The following MEI4 variants were observed in gnomAD, a reference collection of about 807,000 sequenced individuals.
MEI4 encodes the protein meiosis-specific protein MEI4.
In MEI4, 27 loss-of-function variants were observed where a neutral mutation model predicts 31.4. That is an observed-to-expected ratio of 0.86 (90% confidence interval 0.63 to 1.19). The LOEUF is 1.19. Ranked by LOEUF, MEI4 falls within the 50% of genes most tolerant of loss-of-function variation. The pLI, the probability that MEI4 is intolerant of heterozygous loss-of-function variation, is 0.00. For synonymous variants in MEI4, 122 were observed against 145.4 expected (o/e 0.84, Z 1.16); for missense variants, 329 against 398.9 (o/e 0.82, Z 1.49).
intron 3 of MEI4, among the ~76,000 whole-genome samples, chr6:77,788,619 A>T (rs1768818298): frequency 6.6e-6 from 1 of 152,156 alleles, no homozygotes; most frequent in South Asian, 2.1e-4. Flanking sequence ...ACAGACAAAC[A>T]GAGAGCCGAA....
At chr6:77,917,267 G>A (rs992109625) in intron 4 of MEI4, among the ~76,000 whole-genome samples, 12 of 150,778 alleles carry the variant, frequency 8.0e-5, no homozygotes, top group Non-Finnish European at 1.3e-4. Flanking sequence ...ATGATTTATA[G>A]TCCTTTGGGT....
chr6:77,884,475 C>G (rs1013604714), intron 4 of MEI4, among the ~76,000 whole-genome samples: 1 of 152,114 alleles, frequency 6.6e-6, no homozygotes, highest in Non-Finnish European at 1.5e-5. Context: ...TCTAGTAGTT[C>G]TGTAATTTGG....
chr6:77,774,666 A>AT (rs1355859941), intron 3 of MEI4, among the ~76,000 whole-genome samples: 1 of 152,022 alleles, frequency 6.6e-6, no homozygotes, highest in Admixed American at 6.6e-5. Context: ...CATAGCATAT[A>AT]TGCCTGAGCC....
At chr6:77,698,307 A>T (rs571706024) in intron 2 of MEI4, among the ~76,000 whole-genome samples, 4 of 152,288 alleles carry the variant, frequency 2.6e-5, no homozygotes, top group African/African-American at 7.2e-5. Context: ...TGATCCTGTC[A>T]GTATGATGTT....
intron 3 of MEI4, among the ~76,000 whole-genome samples, chr6:77,792,602 A>T (rs1429184951): frequency 6.6e-6 from 1 of 151,876 alleles, no homozygotes; most frequent in Non-Finnish European, 1.5e-5. Flanking sequence ...GTAATTTTAC[A>T]TTTTTTGTCT....
At chr6:77,656,810 TTCAC>T (rs1240171842) in intron 1 of MEI4, among the ~76,000 whole-genome samples, 2 of 152,026 alleles carry the variant, frequency 1.3e-5, no homozygotes, top group African/African-American at 4.8e-5. Context: ...ATTAAAAAAA[TTCAC>T]TCACTATCCA....
At chr6:77,731,206 G>A (rs1187467530) in intron 2 of MEI4, among the ~76,000 whole-genome samples, 1 of 150,134 alleles carries the variant, frequency 6.7e-6, no homozygotes, top group African/African-American at 2.5e-5. Flanking sequence ...TCGCCACACT[G>A]ACTTCCACAA....
intron 2 of MEI4, among the ~76,000 whole-genome samples, chr6:77,702,168 C>T (rs1766241206): frequency 1.3e-5 from 2 of 152,204 alleles, no homozygotes; most frequent in Non-Finnish European, 2.9e-5. Context: ...TGACTGTTTT[C>T]CTGGTCCCAG....
chr6:77,865,842 C>G (rs1316107479), intron 4 of MEI4, among the ~76,000 whole-genome samples: 11 of 152,280 alleles, frequency 7.2e-5, no homozygotes, highest in African/African-American at 2.6e-4. Flanking sequence ...AAAATACTGG[C>G]AAACCGAATC....
chr6:77,650,311 C>T (rs1581989009), upstream of MEI4, among the ~76,000 whole-genome samples: 3 of 152,340 alleles, frequency 2.0e-5, no homozygotes, highest in African/African-American at 2.4e-5. Flanking sequence ...GAGCACTCGT[C>T]TCCTCCTCGG....
At chr6:77,807,456 T>C (rs1318296445) in intron 3 of MEI4, among the ~76,000 whole-genome samples, 2 of 152,118 alleles carry the variant, frequency 1.3e-5, no homozygotes, top group Non-Finnish European at 1.5e-5. Context: ...AACAACTATG[T>C]AATTCACCCC....
chr6:77,773,585 C>T (rs1768367874), intron 3 of MEI4, among the ~76,000 whole-genome samples: 1 of 152,012 alleles, frequency 6.6e-6, no homozygotes, highest in Admixed American at 6.6e-5. Context: ...ATTGGGAAAA[C>T]TTTCCAGCAC....
At chr6:77,895,993 T>C (rs904986690) in intron 4 of MEI4, among the ~76,000 whole-genome samples, 11 of 152,148 alleles carry the variant, frequency 7.2e-5, no homozygotes, top group Non-Finnish European at 1.0e-4. Context: ...AACGATCTAT[T>C]TACTTTTCAT....
chr6:77,738,783 C>G (rs568207555), intron 2 of MEI4, among the ~76,000 whole-genome samples: 1 of 152,310 alleles, frequency 6.6e-6, no homozygotes, highest in South Asian at 2.1e-4. Context: ...CATCTCCATT[C>G]TAACTGGTGT....
chr6:77,856,774 C>T (rs763097406), intron 4 of MEI4, among the ~76,000 whole-genome samples: 2 of 151,972 alleles, frequency 1.3e-5, no homozygotes, highest in Non-Finnish European at 2.9e-5. Flanking sequence ...TCTTATCCAC[C>T]GACCTAAGCA....
chr6:77,805,245 C>T (rs1215735241), intron 3 of MEI4, among the ~76,000 whole-genome samples: 2 of 152,084 alleles, frequency 1.3e-5, no homozygotes, highest in Non-Finnish European at 2.9e-5. Flanking sequence ...AGATACCATA[C>T]TTCTGTACAG....
chr6:77,691,713 C>A (rs1769160430), intron 2 of MEI4, among the ~76,000 whole-genome samples: 1 of 151,924 alleles, frequency 6.6e-6, no homozygotes, highest in African/African-American at 2.4e-5. Context: ...AGTAAGTTAG[C>A]CATGTAATTT....
chr6:77,711,272 G>A (rs1766459111), intron 2 of MEI4, among the ~76,000 whole-genome samples: 1 of 151,998 alleles, frequency 6.6e-6, no homozygotes, highest in South Asian at 2.1e-4. Flanking sequence ...AGTATGTGAG[G>A]TGATATATAT....
intron 4 of MEI4, among the ~76,000 whole-genome samples, chr6:77,905,842 T>C (rs1459417589): frequency 1.3e-5 from 2 of 151,544 alleles, no homozygotes; most frequent in Non-Finnish European, 2.9e-5. Flanking sequence ...CCTTTATATT[T>C]TTTTCTCTTC....
Sources: allele counts gnomAD v4.1 joint callset (sites outside exome capture counted in the v4.1 genomes callset), GRCh38; gene constraint gnomAD v4.1.1; transcripts MANE v1.5; gene names NCBI Gene and HGNC (gene_info 2026-07-23, HGNC 2026-07-21).